MME: variants seen among roughly 807,000 people sequenced by gnomAD.
MME encodes the protein neprilysin.
In MME, 98 loss-of-function variants were observed where a neutral mutation model predicts 113.2. The ratio of observed to expected loss-of-function variants is 0.87; its 90% CI spans 0.74 to 1.02. The LOEUF is 1.02. Among genes scored for constraint, MME ranks in the 50% least tolerant of loss-of-function variants. The pLI is 0.00. For missense variants in MME, 836 were observed against 896.0 expected (o/e 0.93, Z 0.86); for synonymous variants, 292 against 300.6 (o/e 0.97, Z 0.30).
At chr3:155,146,144 G>A (rs1337011414) in intron 14 of MME, among the ~76,000 whole-genome samples, 1 of 151,760 alleles carries the variant, frequency 6.6e-6, no homozygotes, top group Non-Finnish European at 1.5e-5. Context: ...AATAAAAATA[G>A]AAATAACAAG....
Position 155,056,747 on chromosome 3 carries a change from C to T in MME, c.-10-27411C>T, listed in dbSNP as rs188880311. On this transcript the variant is annotated intron_variant, in intron 1 of 22. Transcript: ENST00000492661. ...TTCTAGTTCTAGATCCCTGAGGAAT[C>T]GCCACACTGTCTTCCACAATGGTTG... Among the ~76,000 whole-genome samples the T allele has an allele frequency of 1.6e-3, 239 of 152,164 alleles. 1 individual carries two copies. The highest frequency in any genetic ancestry group is 4.3e-3 in the Admixed American group (65 of 15,288).
intron 1 of MME, among the ~76,000 whole-genome samples, chr3:155,080,748 C>A (rs1195730427): frequency 6.6e-6 from 1 of 152,144 alleles, no homozygotes; most frequent in Non-Finnish European, 1.5e-5. Context: ...TCTTTAGCTT[C>A]TCGATCAAGT....
At chr3:155,078,345 C>A (rs1213741907), upstream of MME, among the ~76,000 whole-genome samples, 1 of 152,130 alleles carries the variant, frequency 6.6e-6, no homozygotes, top group African/African-American at 2.4e-5. Context: ...CTGTAAGATG[C>A]ACAGAGAAAG....
At chr3:155,093,709 A>G (rs1408336874) in intron 3 of MME, among the ~76,000 whole-genome samples, 3 of 152,028 alleles carry the variant, frequency 2.0e-5, no homozygotes, top group Admixed American at 6.5e-5. Context: ...TACAAAAACT[A>G]TCTGGGCATG....
At chr3:155,162,420 T>A (rs1722785043) in intron 17 of MME, among the ~76,000 whole-genome samples, 1 of 152,168 alleles carries the variant, frequency 6.6e-6, no homozygotes, top group Non-Finnish European at 1.5e-5. Flanking sequence ...GGCCCAATAG[T>A]GGTCTATTTC....
upstream of MME, among the ~76,000 whole-genome samples, chr3:155,078,385 G>A (rs534413396): frequency 2.6e-5 from 4 of 152,024 alleles, no homozygotes; most frequent in Non-Finnish European, 5.9e-5. Flanking sequence ...CACTTGTTAG[G>A]TCTACACACT....
intron 3 of MME, among the ~76,000 whole-genome samples, chr3:155,098,262 AAT>A (rs1382955097): frequency 2.0e-5 from 3 of 152,076 alleles, no homozygotes; most frequent in African/African-American, 4.8e-5. Flanking sequence ...TAAAGTAAAA[AAT>A]AGAGTGGCTG....
chr3:155,111,807 A>G (rs578120991), intron 3 of MME, among the ~76,000 whole-genome samples: 14 of 152,258 alleles, frequency 9.2e-5, no homozygotes, highest in African/African-American at 3.4e-4. Flanking sequence ...TGCCCCCTCC[A>G]AATGGCATAG....
intron 1 of MME, among the ~76,000 whole-genome samples, chr3:155,029,047 G>C (rs186243914): frequency 5.4e-4 from 82 of 152,254 alleles, no homozygotes; most frequent in Non-Finnish European, 1.0e-3. Flanking sequence ...ATAGAAAGGA[G>C]ATCAAAGTTA....
rs112261452 is a variant in MME, at chr3:155,067,751, A to G, written c.-10-16407A>G. Reference sequence around the variant, plus strand: ...CATAATACACCATCATACACCAATTACAATGGCTAAAACTAAAAAGATTGA... The same window carrying G: ...CATAATACACCATCATACACCAATTGCAATGGCTAAAACTAAAAAGATTGA... On this transcript the variant is annotated intron_variant, in intron 1 of 22. Transcript: ENST00000492661. 8.8e-4 allele frequency among the ~76,000 whole-genome samples: 134 copies of G among 152,344 alleles called. 1 individual carries two copies. Among genetic ancestry groups the G allele is most frequent in the African/African-American group, 3.1e-3 (127 of 41,568 alleles).
intron 17 of MME, 120 bp from the exon 18 acceptor site, chr3:155,166,782 C>T (rs186522400): frequency 7.9e-7 from 1 of 1,259,302 alleles, no homozygotes; most frequent in East Asian, 2.4e-5. Flanking sequence ...CTGAATAATG[C>T]CATGGTGGCA....
intron 22 of MME, among the ~76,000 whole-genome samples, chr3:155,178,867 A>G (rs1253537830): frequency 6.6e-6 from 1 of 152,176 alleles, no homozygotes; most frequent in Non-Finnish European, 1.5e-5. Flanking sequence ...TAGACAAAAT[A>G]TTTCCCCCAC....
At chr3:155,178,997 A>G (rs891892153) in intron 22 of MME, among the ~76,000 whole-genome samples, 1 of 152,286 alleles carries the variant, frequency 6.6e-6, no homozygotes, top group Admixed American at 6.5e-5. Context: ...AGGAGAACAA[A>G]TCATTGTAAA....
chr3:155,068,226 G>T (rs1714449307), intron 1 of MME, among the ~76,000 whole-genome samples: 1 of 152,150 alleles, frequency 6.6e-6, no homozygotes. Context: ...ATGCAAACTA[G>T]TATACAAACG....
intron 17 of MME, among the ~76,000 whole-genome samples, chr3:155,161,963 GC>G (rs1722752591): frequency 6.6e-6 from 1 of 152,072 alleles, no homozygotes; most frequent in South Asian, 2.1e-4. Flanking sequence ...TCACTTTGAA[GC>G]CCTCTTTTTA....
intron 1 of MME, among the ~76,000 whole-genome samples, chr3:155,070,779 C>T (rs1374010434): frequency 6.6e-6 from 1 of 152,160 alleles, no homozygotes; most frequent in Non-Finnish European, 1.5e-5. Flanking sequence ...ATTTCTTCAC[C>T]TTGCTTGTCC....
intron 20 of MME, 122 bp downstream of exon 20, chr3:155,168,919 T>A: frequency 1.3e-6 from 1 of 797,350 alleles, no homozygotes; most frequent in Non-Finnish European, 2.0e-6. Flanking sequence ...GAATAGAAAA[T>A]GGAAAAAAAT....
intron 8 of MME, among the ~76,000 whole-genome samples, chr3:155,120,101 G>A: frequency 2.8e-5 from 1 of 35,414 alleles, no homozygotes; most frequent in Admixed American, 4.0e-4. Flanking sequence ...TTTAATGATT[G>A]CCATTCTAAC....
intron 16 of MME, among the ~76,000 whole-genome samples, chr3:155,153,253 C>T (rs1722074053): frequency 6.6e-6 from 1 of 152,214 alleles, no homozygotes; most frequent in Non-Finnish European, 1.5e-5. Flanking sequence ...TCTCGAACTC[C>T]TGACCTCAGG....
Sources: allele counts gnomAD v4.1 joint callset (sites outside exome capture counted in the v4.1 genomes callset), GRCh38; gene constraint gnomAD v4.1.1; transcripts MANE v1.5; gene names NCBI Gene and HGNC (gene_info 2026-07-23, HGNC 2026-07-21).